Variants in SCOC observed in about 807,000 individuals in gnomAD.
SCOC encodes short coiled-coil protein.
A neutral mutation model predicts 9.9 loss-of-function variants in SCOC; 7 were observed. The ratio of observed to expected loss-of-function variants is 0.71; its 90% confidence interval spans 0.40 to 1.33. The LOEUF is 1.33. Ranked by LOEUF, SCOC falls within the 40% of genes most tolerant of loss-of-function variation. The pLI is 0.01. For synonymous variants in SCOC, 19 were observed against 28.2 expected (o/e 0.67, Z 1.03); for missense variants, 66 against 89.7 (o/e 0.74, Z 1.07).
At chr4:140,362,772 T>C (rs559455582) in intron 2 of SCOC, 2 of 152,276 alleles carry the variant, frequency 1.3e-5, no homozygotes, top group South Asian at 2.1e-4. Flanking sequence ...ACTTTAGATA[T>C]CCAACCAACA....
chr4:140,337,083 T>C (rs1057351398), intron 1 of SCOC, among the ~76,000 whole-genome samples: 1 of 152,210 alleles, frequency 6.6e-6, no homozygotes, highest in Non-Finnish European at 1.5e-5. Context: ...TTTTAAAAAT[T>C]GTGTTGTCTT....
intron 1 of SCOC, among the ~76,000 whole-genome samples, chr4:140,271,673 C>A (rs1299575113): frequency 1.3e-5 from 2 of 152,132 alleles, no homozygotes; most frequent in East Asian, 3.9e-4. Flanking sequence ...GAAGATGTTT[C>A]CATGTGGACT....
chr4:140,340,996 C>A (rs1003558576), upstream of SCOC, among the ~76,000 whole-genome samples: 1 of 151,554 alleles, frequency 6.6e-6, no homozygotes, highest in Non-Finnish European at 1.5e-5. Flanking sequence ...CAGGGTTTCA[C>A]CATGCTGGCC....
At chr4:140,314,247 A>G (rs1052277373) in intron 1 of SCOC, 1 of 202,056 alleles carries the variant, frequency 4.9e-6, no homozygotes, top group Admixed American at 4.5e-5. Flanking sequence ...TGAAAACATA[A>G]TACTAGAAGA....
At chr4:140,350,373 T>TA (rs1192572664) in intron 2 of SCOC, among the ~76,000 whole-genome samples, 2 of 152,240 alleles carry the variant, frequency 1.3e-5, no homozygotes, top group East Asian at 3.8e-4. Flanking sequence ...ATCTTTTGAT[T>TA]AAAGAATTCT....
rs1210703082 is a variant in SCOC at position 140,317,662 on chromosome 4, TTTTATTTTA to T, written c.-18-25946_-18-25938del. On this transcript the variant is annotated intron_variant, in intron 1 of 4. Coordinates refer to the SCOC transcript ENST00000394205. Reference sequence around the variant, plus strand: ...TTTTTTTCTACTGTTTGCATTTTTATTTTATTTTATTTATTTTATTTGTATTATTATTAT... The same window carrying T: ...TTTTTTTCTACTGTTTGCATTTTTATTTTATTTTATTTGTATTATTATTAT... 6.5e-3 allele frequency among the ~76,000 whole-genome samples: 966 copies of T among 148,000 alleles called. 3 individuals are homozygous for T. The highest frequency in any genetic ancestry group is 9.0e-3 in the African/African-American group (358 of 39,778).
intron 1 of SCOC, among the ~76,000 whole-genome samples, chr4:140,297,872 C>G (rs1731697852): frequency 6.6e-6 from 1 of 152,152 alleles, no homozygotes; most frequent in African/African-American, 2.4e-5. Context: ...ATAGAAACCC[C>G]CGTTTCTTGG....
intron 1 of SCOC, among the ~76,000 whole-genome samples, chr4:140,261,446 C>T (rs1730631840): frequency 6.6e-6 from 1 of 152,224 alleles, no homozygotes; most frequent in Non-Finnish European, 1.5e-5. Flanking sequence ...TTGCTCCCTT[C>T]CCATACCCCA....
chr4:140,260,381 G>A (rs892481855), intron 1 of SCOC, among the ~76,000 whole-genome samples: 1 of 152,222 alleles, frequency 6.6e-6, no homozygotes, highest in Non-Finnish European at 1.5e-5. Flanking sequence ...TCCTGTGCAT[G>A]TTGAAGTTGC....
chr4:140,290,299 A>G (rs1345891929), intron 1 of SCOC, among the ~76,000 whole-genome samples: 1 of 152,218 alleles, frequency 6.6e-6, no homozygotes, highest in Non-Finnish European at 1.5e-5. Flanking sequence ...GACCCTTCAC[A>G]GATCATAAAC....
At chr4:140,375,107 GA>G (rs1376416750) in intron 1 of SCOC, among the ~76,000 whole-genome samples, 1 of 152,114 alleles carries the variant, frequency 6.6e-6, no homozygotes, top group Admixed American at 6.5e-5. Context: ...TGGAATGGTG[GA>G]AAAAACACTG....
chr4:140,258,006 T>G (rs1193609056), intron 1 of SCOC, among the ~76,000 whole-genome samples: 1 of 152,174 alleles, frequency 6.6e-6, no homozygotes, highest in Admixed American at 6.5e-5. Context: ...CCTCAGACAG[T>G]TCTTGCCTCT....
In SCOC at chr4:140,279,228, GAA is replaced by G. The variant is rs1228990696; in HGVS notation, c.-19+21820_-19+21821del. On this transcript the variant is annotated intron_variant, in intron 1 of 4. Transcript: ENST00000394205. ...GTGCAGTTCAAGCACATGAGCTCAG[GAA>G]AGCCTTTGCAGAGACCCATCCAGGT... Among the ~76,000 whole-genome samples, 3 of 152,136 alleles carry G rather than the reference GAA, an allele frequency of 2.0e-5. No individual in the cohort carries two copies. In the East Asian group the frequency reaches 5.8e-4, roughly 29 times the overall value.
At chr4:140,321,329 A>T (rs1732494471) in intron 1 of SCOC, among the ~76,000 whole-genome samples, 1 of 152,212 alleles carries the variant, frequency 6.6e-6, no homozygotes. Context: ...ACAGTATGGA[A>T]AACTGTGTTT....
intron 2 of SCOC, among the ~76,000 whole-genome samples, chr4:140,362,301 T>TCCTC: frequency 2.0e-3 from 60 of 29,390 alleles, no homozygotes; most frequent in South Asian, 2.8e-3. Context: ...TTCTTCTTCT[T>TCCTC]TTTTTTTTTT....
chr4:140,267,160 A>C (rs1228623237), intron 1 of SCOC, among the ~76,000 whole-genome samples: 3 of 152,218 alleles, frequency 2.0e-5, no homozygotes, highest in Admixed American at 2.0e-4. Flanking sequence ...AGATCAAGTC[A>C]AATCGGTAAA....
At chr4:140,355,211 T>TATATATATATATA (rs60752527) in intron 2 of SCOC, among the ~76,000 whole-genome samples, 6 of 61,418 alleles carry the variant, frequency 9.8e-5, no homozygotes, top group African/African-American at 1.4e-4. Flanking sequence ...CATTATATTT[T>TATATATATATATA]TATATATATA....
Position 140,385,688 on chromosome 4 carries a change from ATTCT to A in SCOC, c.*4587_*4590del, listed in dbSNP as rs1728670592. ...AAATAGATCTTTAGAATGTAAAGCCATTCTTTACTTTGCCCAATAAAAATTTTGT... is the reference window on the plus strand; with the variant it reads ...AAATAGATCTTTAGAATGTAAAGCCATTACTTTGCCCAATAAAAATTTTGT... On this transcript the variant is annotated 3_prime_UTR_variant, in exon 4 of 4. Transcript: ENST00000608372. The A allele has an allele frequency of 6.6e-6, 1 of 152,182 alleles. No individual in the cohort carries two copies. The highest frequency in any genetic ancestry group is 1.5e-5 in the Non-Finnish European group (1 of 68,014). The allele number at this position is 152,182 out of a possible 1,614,324, so 9.4% of individuals were successfully genotyped here. A position where few individuals can be genotyped will look rare whatever the true frequency, so the allele number is the denominator to read the frequency against.
chr4:140,343,187 G>T (rs1004549621), upstream of SCOC, among the ~76,000 whole-genome samples: 3 of 152,120 alleles, frequency 2.0e-5, no homozygotes, highest in African/African-American at 4.8e-5. Context: ...GAGGGTTTGT[G>T]ACTTACCCCC....
Sources: gnomAD v4.1 joint callset for allele counts (sites outside exome capture counted in the v4.1 genomes callset) on GRCh38, gnomAD v4.1.1 for gene constraint, MANE v1.5 for transcripts, NCBI Gene and HGNC (gene_info 2026-07-23, HGNC 2026-07-21) for gene names.